Variants in SIL1 observed in about 807,000 individuals in gnomAD.
The protein encoded by SIL1 is nucleotide exchange factor SIL1.
In SIL1, 40 loss-of-function variants were observed where a neutral mutation model predicts 49.1. That is an observed-to-expected ratio of 0.81 (90% CI 0.63 to 1.06). SIL1 has a LOEUF of 1.06. SIL1 is among the 50% of genes least tolerant of loss of function. SIL1 has a pLI of 0.00. For synonymous variants in SIL1, 253 were observed against 250.8 expected, an observed-to-expected ratio of 1.01 and a Z score of -0.08; for missense variants, 500 against 572.6, an observed-to-expected ratio of 0.87 and a Z score of 1.29.
intron 3 of SIL1, among the ~76,000 whole-genome samples, chr5:139,106,593 A>C (rs1770717999): frequency 6.6e-6 from 1 of 152,186 alleles, no homozygotes; most frequent in South Asian, 2.1e-4. Context: ...TCTGAGGGTA[A>C]ATGCTTGTAA....
Position 139,127,868 on chromosome 5 carries a change from A to G in SIL1, c.-10-15T>C. On this transcript the variant is annotated splice_polypyrimidine_tract_variant and intron_variant, in intron 1 of 9. Transcript: ENST00000394817. ...TAGTCAGGGACCTGCAGGTGCAAGC[A>G]TAGACAACAGAAGGTCAATGAAAAG... 6.7e-7 allele frequency: 1 copy of G among 1,502,344 alleles called. No individual in the cohort carries two copies. Among genetic ancestry groups the G allele is most frequent in the Non-Finnish European group, 9.2e-7 (1 of 1,092,652 alleles). The allele number at this position is 1,502,344 out of a possible 1,614,324, so 93.1% of individuals were successfully genotyped here. A position where few individuals can be genotyped will look rare whatever the true frequency, so the allele number is the denominator to read the frequency against.
At chr5:139,193,015 A>C (rs1232605441) in intron 1 of SIL1, among the ~76,000 whole-genome samples, 6 of 147,806 alleles carry the variant, frequency 4.1e-5, no homozygotes, top group Admixed American at 3.4e-4. Flanking sequence ...AAAAAAAAAA[A>C]AAAAAAAAAA....
At chr5:139,082,180 T>C (rs934662442) in intron 3 of SIL1, among the ~76,000 whole-genome samples, 6 of 152,212 alleles carry the variant, frequency 3.9e-5, no homozygotes, top group African/African-American at 1.4e-4. Flanking sequence ...CGACAAATGT[T>C]TACCAAACAG....
chr5:139,181,031 TATCAA>T (rs1483425062), intron 1 of SIL1, among the ~76,000 whole-genome samples: 3 of 152,198 alleles, frequency 2.0e-5, no homozygotes, highest in Non-Finnish European at 2.9e-5. Context: ...ATCTGCCTCT[TATCAA>T]AACCTATGCC....
intron 3 of SIL1, among the ~76,000 whole-genome samples, chr5:139,077,697 C>A (rs567609592): frequency 6.6e-6 from 1 of 152,176 alleles, no homozygotes; most frequent in Non-Finnish European, 1.5e-5. Context: ...CAGTTCCACA[C>A]AGAGGCACCA....
At chr5:138,998,365 G>T (rs1226144475) in intron 7 of SIL1, among the ~76,000 whole-genome samples, 2 of 152,046 alleles carry the variant, frequency 1.3e-5, no homozygotes, top group Non-Finnish European at 2.9e-5. Context: ...ATGGGGTTTT[G>T]CCATGTTGCC....
At chr5:139,049,017 T>C (rs1436135443) in intron 4 of SIL1, among the ~76,000 whole-genome samples, 1 of 152,168 alleles carries the variant, frequency 6.6e-6, no homozygotes, top group Non-Finnish European at 1.5e-5. Context: ...ACTGTCTAAA[T>C]CTGAACAGGC....
chr5:139,014,324 G>C (rs1382996628), intron 7 of SIL1: 9 of 149,968 alleles, frequency 6.0e-5, no homozygotes, highest in Non-Finnish European at 2.9e-5. Flanking sequence ...CCAAGATCGC[G>C]TCTTTGCACC....
rs1019373284 is a variant in SIL1 at position 138,947,926 on chromosome 5, C to T, written c.1030-453G>A. Among the ~76,000 whole-genome samples, 9 of 152,100 alleles carry T rather than the reference C, an allele frequency of 5.9e-5. No homozygotes were observed. The highest frequency in any genetic ancestry group is 1.2e-4 in the Non-Finnish European group (8 of 68,034). ...GGAGAAACTCAGCCTGTCTGTAAAG[C>T]GCAGAAGCCCAGCTCTATCAGCAGA... On this transcript the variant is annotated intron_variant, in intron 9 of 9. Coordinates refer to ENST00000394817, the MANE Select transcript of SIL1 (RefSeq NM_022464.5). This position sits in a 1 kb window ranked among gnomAD's most constrained non-coding sequence, Gnocchi z 4.1.
At chr5:139,036,989 G>A (rs1768929702) in intron 5 of SIL1, among the ~76,000 whole-genome samples, 1 of 146,496 alleles carries the variant, frequency 6.8e-6, no homozygotes, top group African/African-American at 2.4e-5. Context: ...ATTCTATTTG[G>A]AGAATATCCT....
At chr5:139,112,016 C>T (rs1172377542) in intron 3 of SIL1, among the ~76,000 whole-genome samples, 1 of 152,212 alleles carries the variant, frequency 6.6e-6, no homozygotes, top group East Asian at 1.9e-4. Flanking sequence ...GACTGGTTTT[C>T]GTATTTTTTT....
At chr5:139,101,750 C>T (rs1770592237) in intron 3 of SIL1, among the ~76,000 whole-genome samples, 1 of 152,196 alleles carries the variant, frequency 6.6e-6, no homozygotes, top group Non-Finnish European at 1.5e-5. Context: ...TCAATAACTG[C>T]TTGCTATCAA....
At chr5:139,010,803 A>G (rs1367459547) in intron 7 of SIL1, among the ~76,000 whole-genome samples, 32 of 152,010 alleles carry the variant, frequency 2.1e-4, no homozygotes, top group East Asian at 7.8e-4. Context: ...ACCCACTTGA[A>G]GAGGCAGTCT....
At chr5:138,972,256 A>G (rs1767296043) in intron 7 of SIL1, among the ~76,000 whole-genome samples, 1 of 152,226 alleles carries the variant, frequency 6.6e-6, no homozygotes, top group African/African-American at 2.4e-5. Flanking sequence ...TCTGGTCACC[A>G]AGTTCTTTCT....
intron 1 of SIL1, among the ~76,000 whole-genome samples, chr5:139,172,819 C>T (rs1311088572): frequency 6.6e-6 from 1 of 152,098 alleles, no homozygotes; most frequent in Non-Finnish European, 1.5e-5. Context: ...AGCAAAACAC[C>T]AGCTGGTCCC....
chr5:139,060,907 T>C (rs1034494695), intron 3 of SIL1, among the ~76,000 whole-genome samples: 6 of 152,070 alleles, frequency 3.9e-5, no homozygotes, highest in Non-Finnish European at 8.8e-5. Flanking sequence ...AGAGGAACCC[T>C]GGCAGAAGGA....
At chr5:139,030,685 TA>T (rs1768769386) in intron 5 of SIL1, among the ~76,000 whole-genome samples, 1 of 151,822 alleles carries the variant, frequency 6.6e-6, no homozygotes, top group Admixed American at 6.6e-5. Context: ...CTATTTTTTG[TA>T]GAAAACATAG....
intron 3 of SIL1, among the ~76,000 whole-genome samples, chr5:139,100,290 A>G (rs530156862): frequency 2.6e-5 from 4 of 152,236 alleles, no homozygotes; most frequent in Admixed American, 2.6e-4. Context: ...AGCTAGCCAC[A>G]AAGCCATCCA....
chr5:139,179,784 T>G (rs1372753723), intron 1 of SIL1, among the ~76,000 whole-genome samples: 1 of 152,146 alleles, frequency 6.6e-6, no homozygotes, highest in Non-Finnish European at 1.5e-5. Flanking sequence ...CAGCCAGATG[T>G]GGTGGCTCAT....
Sources: allele counts gnomAD v4.1 joint callset (sites outside exome capture counted in the v4.1 genomes callset), GRCh38; gene constraint gnomAD v4.1.1; non-coding constraint Gnocchi (gnomAD v3.1); transcripts MANE v1.5; gene names NCBI Gene and HGNC (gene_info 2026-07-23, HGNC 2026-07-21).